ZEB2: variants seen among roughly 807,000 people sequenced by gnomAD.
ZEB2 encodes the protein zinc finger E-box binding homeobox 2.
Under a neutral mutation model 99.9 loss-of-function variants are expected in ZEB2, and 6 were observed. That is an observed-to-expected ratio of 0.06 (90% CI 0.03 to 0.12). ZEB2 has a LOEUF of 0.12. Among genes scored for constraint, ZEB2 ranks in the 10% least tolerant of loss-of-function variants. ZEB2 has a pLI of 1.00. For missense variants in ZEB2, 969 were observed against 1,502.8 expected, an observed-to-expected ratio of 0.64 and a Z score of 5.87; for synonymous variants, 517 against 542.5, an observed-to-expected ratio of 0.95 and a Z score of 0.65.
At chr2:144,427,528 G>T (rs546281605) in intron 3 of ZEB2, 3 of 152,296 alleles carry the variant, frequency 2.0e-5, no homozygotes, top group South Asian at 2.1e-4. Flanking sequence ...TAGAGTTATT[G>T]TCTATATTGT....
intron 3 of ZEB2, chr2:144,428,102 T>C (rs771259851): frequency 3.9e-5 from 6 of 152,318 alleles, no homozygotes; most frequent in East Asian, 1.9e-4. Flanking sequence ...TTGTTATTAA[T>C]TATTCTTCTA....
At position 144,403,913 on chromosome 2, in the gene ZEB2, C is replaced by T. The variant is rs144925893; in HGVS notation, c.807+3G>A. On this transcript the variant is annotated splice_donor_region_variant and intron_variant, in intron 6 of 9. Transcript: ENST00000627532. ...AAGAAATCACTTAAAACCATCCCCCCACCTGATCTGTCCCTGGCTTGTGTG... is the reference window on the plus strand; with the variant it reads ...AAGAAATCACTTAAAACCATCCCCCTACCTGATCTGTCCCTGGCTTGTGTG... The T allele has an allele frequency of 1.9e-6, 3 of 1,614,132 alleles. No homozygotes were observed. The highest frequency in any genetic ancestry group is 3.3e-5 in the Admixed American group (2 of 60,020).
At chr2:144,476,446 T>C (rs1704431124) in intron 2 of ZEB2, among the ~76,000 whole-genome samples, 1 of 152,216 alleles carries the variant, frequency 6.6e-6, no homozygotes, top group South Asian at 2.1e-4. Context: ...AATATGTGCA[T>C]GCAAATTCAA....
Position 144,389,040 on chromosome 2 carries a change from T to C in ZEB2, c.*411A>G, listed in dbSNP as rs760953941. The C allele has an allele frequency of 1.7e-5, 7 of 415,624 alleles. No homozygotes were observed. The highest frequency in any genetic ancestry group is 3.0e-5 in the Non-Finnish European group (7 of 231,180). 25.7% of individuals were successfully genotyped at this position (415,624 alleles called of 1,614,324 possible). A position where few individuals can be genotyped will look rare whatever the true frequency, so the allele number is the denominator to read the frequency against. ...ACATTAAATTAAAAAGGAATAACAA[T>C]AATAATAATAAAAATACTGATGTAT... On this transcript the variant is annotated 3_prime_UTR_variant, in exon 10 of 10. Coordinates refer to ENST00000627532, the MANE Select transcript of ZEB2 (RefSeq NM_014795.4). This position sits in a 1 kb window ranked among gnomAD's most constrained non-coding sequence, Gnocchi z 6.8.
chr2:144,485,511 C>T lies in ZEB2; in HGVS notation c.73+31767G>A, dbSNP rs180864995. ...GTGTTTGGATGAGCAGAAACATTTA[C>T]ATACTTGGAAAACTAAGGAGTTGGG... On this transcript the variant is annotated intron_variant, in intron 2 of 9. Coordinates refer to ENST00000627532, the MANE Select transcript of ZEB2 (RefSeq NM_014795.4). Among the ~76,000 whole-genome samples the T allele has an allele frequency of 2.6e-4, 39 of 152,322 alleles. No individual in the cohort carries two copies. The East Asian group carries it at 7.3e-3, about 29-fold the overall frequency.
intron 2 of ZEB2, 79 bp from the exon 3 acceptor site, chr2:144,430,105 G>A (rs1703750394): frequency 6.4e-7 from 1 of 1,567,698 alleles, no homozygotes; most frequent in Non-Finnish European, 8.7e-7. Context: ...TAGTTAAATG[G>A]AAAATAATTA....
intron 4 of ZEB2, among the ~76,000 whole-genome samples, chr2:144,406,221 A>G (rs1032003761): frequency 1.3e-5 from 2 of 152,136 alleles, no homozygotes; most frequent in African/African-American, 4.8e-5. Context: ...AGGGGAATAG[A>G]AAGTGGAACT....
At chr2:144,465,199 G>A (rs190129470) in intron 2 of ZEB2, among the ~76,000 whole-genome samples, 3 of 152,278 alleles carry the variant, frequency 2.0e-5, no homozygotes, top group Non-Finnish European at 2.9e-5. Context: ...CTCTTTATAT[G>A]TTGTAGTGTA....
In ZEB2 at chr2:144,398,548, G is replaced by C; in HGVS notation, c.2639C>G (p.Thr880Ser). ...TGGGTTCATGCTGAACACTGGGTTA[G>C]TGCTTTTGTTGTCCAGATTATTTGA... ...SNSNNLDNKS[T>S]NPVFSMNPFS... The change falls in exon 8 of 10, where the codon ACT becomes AGT. Residue 880 changes from threonine to serine, a missense_variant. Coordinates refer to ENST00000627532, the MANE Select transcript of ZEB2 (RefSeq NM_014795.4). The C allele has an allele frequency of 1.2e-6, 2 of 1,614,150 alleles. No homozygotes were observed. The highest frequency in any genetic ancestry group is 8.5e-7 in the Non-Finnish European group (1 of 1,180,020).
intron 2 of ZEB2, chr2:144,504,219 A>C (rs1310476499): frequency 6.6e-6 from 1 of 151,634 alleles, no homozygotes; most frequent in Non-Finnish European, 1.5e-5. Context: ...AAGTGTGCCC[A>C]CTCCTCTTTA....
intron 4 of ZEB2, among the ~76,000 whole-genome samples, chr2:144,410,161 G>A (rs1263027895): frequency 3.9e-5 from 6 of 152,000 alleles, no homozygotes; most frequent in African/African-American, 1.4e-4. Flanking sequence ...CACCCACCTC[G>A]GCCTCCCAAA....
intron 2 of ZEB2, among the ~76,000 whole-genome samples, chr2:144,473,553 G>C (rs1012363406): frequency 6.6e-6 from 1 of 152,160 alleles, no homozygotes; most frequent in South Asian, 2.1e-4. Context: ...ATGTACAATA[G>C]AGGTCAGTAG....
chr2:144,417,959 T>C (rs1422253593), intron 4 of ZEB2, among the ~76,000 whole-genome samples: 2 of 152,202 alleles, frequency 1.3e-5, no homozygotes, highest in African/African-American at 4.8e-5. Context: ...ATATGTAAAA[T>C]TGTTATGTGT....
At chr2:144,437,744 A>T (rs1209362529) in intron 2 of ZEB2, among the ~76,000 whole-genome samples, 1 of 152,176 alleles carries the variant, frequency 6.6e-6, no homozygotes, top group African/African-American at 2.4e-5. Flanking sequence ...AACGGAATAT[A>T]AAGAAAGGGG....
intron 2 of ZEB2, chr2:144,463,320 C>G (rs763312258): frequency 6.6e-6 from 1 of 151,726 alleles, no homozygotes; most frequent in Non-Finnish European, 1.5e-5. Context: ...AAGGATGTAA[C>G]GAGATCTAAT....
chr2:144,457,567 A>C (rs536718931), intron 2 of ZEB2, among the ~76,000 whole-genome samples: 3 of 152,166 alleles, frequency 2.0e-5, no homozygotes, highest in Non-Finnish European at 4.4e-5. Flanking sequence ...GGAGAGAAGA[A>C]CAAAGGCAAG....
At chr2:144,466,295 T>A (rs995329294) in intron 2 of ZEB2, among the ~76,000 whole-genome samples, 26 of 152,108 alleles carry the variant, frequency 1.7e-4, no homozygotes, top group Non-Finnish European at 3.4e-4. Context: ...TTTTCTAACG[T>A]CAGAGTTTCT....
At chr2:144,431,221 T>C (rs1210854717) in intron 2 of ZEB2, among the ~76,000 whole-genome samples, 1 of 152,190 alleles carries the variant, frequency 6.6e-6, no homozygotes, top group Non-Finnish European at 1.5e-5. Context: ...TCTTGCCAGC[T>C]ATCGGATTAT....
chr2:144,514,772 G>A (rs1307735093), intron 2 of ZEB2, among the ~76,000 whole-genome samples: 1 of 152,240 alleles, frequency 6.6e-6, no homozygotes, highest in Non-Finnish European at 1.5e-5. Context: ...CAAAGTTAGA[G>A]AAGCTGTAAG....
Sources: allele counts gnomAD v4.1 joint callset (sites outside exome capture counted in the v4.1 genomes callset), GRCh38; gene constraint gnomAD v4.1.1; non-coding constraint Gnocchi (gnomAD v3.1); transcripts MANE v1.5; gene names NCBI Gene and HGNC (gene_info 2026-07-23, HGNC 2026-07-21).